Variants in COL28A1 observed in about 807,000 individuals in gnomAD.
COL28A1 encodes collagen alpha-1(XXVIII) chain.
A neutral mutation model predicts 150.2 loss-of-function variants in COL28A1; 161 were observed. The ratio of observed to expected loss-of-function variants is 1.07; its 90% CI spans 0.94 to 1.22. The LOEUF is 1.22. Among genes scored for constraint, COL28A1 ranks in the 50% most tolerant of loss-of-function variants. COL28A1 has a pLI of 0.00. For missense variants in COL28A1, 1,617 were observed against 1,388.3 expected (o/e 1.16, Z -2.62); for synonymous variants, 552 against 469.7 (o/e 1.18, Z -2.26).
chr7:7,532,948 A>T (rs1440382987), intron 1 of COL28A1, 36 bp from the exon 2 acceptor site: 1 of 1,438,376 alleles, frequency 7.0e-7, no homozygotes, highest in Admixed American at 2.6e-5. Context: ...TACTTTAATA[A>T]AATATGGTGT....
intron 15 of COL28A1, among the ~76,000 whole-genome samples, chr7:7,458,056 T>A (rs1329228949): frequency 6.6e-6 from 1 of 152,222 alleles, no homozygotes; most frequent in Non-Finnish European, 1.5e-5. Flanking sequence ...ATTTTATTTG[T>A]AAAAACAGGC....
Position 7,358,783 on chromosome 7 carries a change from C to A in COL28A1, c.3228G>T (p.Leu1076Phe). 1 of 1,613,678 alleles carries A rather than the reference C, an allele frequency of 6.2e-7. No homozygotes were observed. Among genetic ancestry groups the A allele is most frequent in the Non-Finnish European group, 8.5e-7 (1 of 1,179,770 alleles). The change falls in exon 35 of 35, where the codon TTG becomes TTT. Residue 1076 changes from leucine (L) to phenylalanine (F), a missense_variant. Coordinates refer to ENST00000399429, the MANE Select transcript of COL28A1 (RefSeq NM_001037763.3). ...GAEDPRCLEA[L>F]KPGNCGEYVV... ...CATATTCACCACAGTTTCCAGGCTT[C>A]AAGGCTTCCAAACATCTAGGATCTA...
intron 21 of COL28A1, among the ~76,000 whole-genome samples, chr7:7,439,134 C>T (rs1785562506): frequency 6.6e-6 from 1 of 152,230 alleles, no homozygotes; most frequent in African/African-American, 2.4e-5. Context: ...CATCCTGCTT[C>T]CTCCAGCAGG....
chr7:7,515,170 T>C (rs2115168207), intron 8 of COL28A1, among the ~76,000 whole-genome samples: 1 of 152,328 alleles, frequency 6.6e-6, no homozygotes, highest in South Asian at 2.1e-4. Flanking sequence ...ACAAGAACTG[T>C]GGGACAGACT....
At chr7:7,399,603 C>T (rs1471491975) in intron 27 of COL28A1, among the ~76,000 whole-genome samples, 3 of 151,900 alleles carry the variant, frequency 2.0e-5, no homozygotes, top group African/African-American at 7.3e-5. Context: ...TGATAGGAAG[C>T]AAATTTCATG....
chr7:7,373,210 G>C lies in COL28A1; in HGVS notation c.2696C>G (p.Ala899Gly), dbSNP rs1781329405. 1.2e-6 allele frequency: 2 copies of C among 1,613,920 alleles called. No individual in the cohort carries two copies. Among genetic ancestry groups the C allele is most frequent in the Non-Finnish European group, 1.7e-6 (2 of 1,179,986 alleles). Residue 899 changes from alanine (A) to glycine (G), a missense_variant, in exon 32 of 35, where the codon GCC becomes GGC. By Grantham distance (60) the Ala-to-Gly change is moderately conservative (BLOSUM62 0). Transcript: ENST00000399429. The surrounding 1 kb of genome is among the most constrained non-coding windows in gnomAD (Gnocchi z 4.1). The stretch of plus-strand genomic sequence containing the variant: ...TGTCTGTCCATCAGTGATGACCAAG[G>C]CCACTTTTTTTACACCTGGCCTTGC... ...EDARPGVKKVALVITDGQTDS... is the reference protein window; with the variant it reads ...EDARPGVKKVGLVITDGQTDS...
chr7:7,381,198 T>G (rs761556350), intron 28 of COL28A1, among the ~76,000 whole-genome samples: 14 of 152,154 alleles, frequency 9.2e-5, no homozygotes, highest in Admixed American at 3.3e-4. Flanking sequence ...GTAAGTATGT[T>G]GTAAGATAAC....
the COL28A1 span, among the ~76,000 whole-genome samples, chr7:7,349,004 C>T: frequency 6.6e-6 from 1 of 152,222 alleles, no homozygotes; most frequent in East Asian, 1.9e-4. Flanking sequence ...CCTCAGACTC[C>T]TAAATAGCTG....
chr7:7,379,165 G>A (rs1436478570), intron 30 of COL28A1, among the ~76,000 whole-genome samples: 1 of 152,194 alleles, frequency 6.6e-6, no homozygotes, highest in East Asian at 1.9e-4. Flanking sequence ...AAGGACGAGG[G>A]TTCCAGAGCG....
intron 27 of COL28A1, among the ~76,000 whole-genome samples, chr7:7,390,657 C>A (rs1782486035): frequency 6.6e-6 from 1 of 152,096 alleles, no homozygotes; most frequent in Non-Finnish European, 1.5e-5. Flanking sequence ...TTAATTACTG[C>A]CTCAATTTCA....
chr7:7,460,666 G>T (rs534204726), intron 15 of COL28A1, among the ~76,000 whole-genome samples: 11 of 152,366 alleles, frequency 7.2e-5, no homozygotes, highest in Admixed American at 2.6e-4. Context: ...ACAGGCGTAA[G>T]CCACTGCGCC....
chr7:7,473,498 T>C (rs1179135519), intron 15 of COL28A1, among the ~76,000 whole-genome samples: 5 of 152,196 alleles, frequency 3.3e-5, no homozygotes, highest in Non-Finnish European at 7.4e-5. Context: ...ACCACCTTAC[T>C]CCTGCAAGAA....
intron 33 of COL28A1, among the ~76,000 whole-genome samples, chr7:7,370,232 C>G (rs1007050335): frequency 6.6e-6 from 1 of 152,126 alleles, no homozygotes; most frequent in East Asian, 1.9e-4. Flanking sequence ...TCACTCAGAG[C>G]ACAGGAGGTG....
At chr7:7,453,596 T>G in intron 16 of COL28A1, 88 bp from the exon 17 acceptor site, 1 of 737,436 alleles carries the variant, frequency 1.4e-6, no homozygotes, top group Non-Finnish European at 2.3e-6. Context: ...TACCCCATAA[T>G]AAGTTACTTA....
intron 25 of COL28A1, among the ~76,000 whole-genome samples, chr7:7,425,244 A>G (rs1426313654): frequency 6.6e-6 from 1 of 152,166 alleles, no homozygotes; most frequent in Non-Finnish European, 1.5e-5. Context: ...AAGCAATTCA[A>G]ACCCAGGTAT....
At chr7:7,432,578 T>G in intron 24 of COL28A1, 37 bp from the exon 25 acceptor site, 1 of 1,608,980 alleles carries the variant, frequency 6.2e-7, no homozygotes, top group Non-Finnish European at 8.5e-7. Flanking sequence ...TGAGCATCCT[T>G]GTAGTATGCA....
chr7:7,541,683 C>G, the COL28A1 span, among the ~76,000 whole-genome samples: 6 of 152,156 alleles, frequency 3.9e-5, no homozygotes, highest in Admixed American at 1.3e-4. Flanking sequence ...TGATGCTGAA[C>G]GGGTGGAATA....
intron 9 of COL28A1, among the ~76,000 whole-genome samples, chr7:7,509,040 G>T (rs539001203): frequency 5.9e-5 from 9 of 152,214 alleles, no homozygotes; most frequent in Non-Finnish European, 1.0e-4. Flanking sequence ...CACCTTGTTA[G>T]CCAGGCTTGT....
intron 32 of COL28A1, among the ~76,000 whole-genome samples, chr7:7,372,005 G>T (rs1209969385): frequency 6.6e-6 from 1 of 151,376 alleles, no homozygotes; most frequent in Non-Finnish European, 1.5e-5. Context: ...GCTAATTTTT[G>T]TATTTTTAGT....
Sources: gnomAD v4.1 joint callset for allele counts (sites outside exome capture counted in the v4.1 genomes callset) on GRCh38, gnomAD v4.1.1 for gene constraint, Gnocchi (gnomAD v3.1) non-coding constraint, MANE v1.5 for transcripts, NCBI Gene and HGNC (gene_info 2026-07-23, HGNC 2026-07-21) for gene names.